RAI2: variants seen among roughly 807,000 people sequenced by gnomAD.
The protein encoded by RAI2 is retinoic acid induced 2.
Under a neutral mutation model 15.3 loss-of-function variants are expected in RAI2, and 5 were observed. That is an observed-to-expected ratio of 0.33 (90% CI 0.17 to 0.69). The LOEUF is 0.69. RAI2 is among the 30% of genes least tolerant of loss of function. RAI2 has a pLI of 0.69. For missense variants in RAI2, 424 were observed against 424.7 expected (o/e 1.00, Z 0.01); for synonymous variants, 191 against 184.0 (o/e 1.04, Z -0.31).
intron 1 of RAI2, among the ~76,000 whole-genome samples, chrX:17,814,787 C>G (rs1463197645): frequency 9.0e-6 from 1 of 110,820 alleles, no homozygotes; most frequent in African/African-American, 3.3e-5. Flanking sequence ...CCAGAAAGTT[C>G]TTTGAATCAT....
intron 1 of RAI2, among the ~76,000 whole-genome samples, chrX:17,844,872 T>C (rs1217945397): frequency 8.9e-6 from 1 of 112,099 alleles, no homozygotes; most frequent in Non-Finnish European, 1.9e-5. Context: ...GTACACTTAA[T>C]AATATATGCA....
rs774344675 is a variant in RAI2, at chrX:17,800,436, G to C, written c.1575C>G (p.Thr525=). 32 of 1,186,213 alleles carry C rather than the reference G, an allele frequency of 2.7e-5. No individual in the cohort carries two copies. The highest frequency in any genetic ancestry group is 3.6e-5 in the Non-Finnish European group (32 of 884,474). ...CCGTTATTTACTTTCTTGGAAAAAA[G>C]GTGGCCAGCCGTTGTTTTTTGATTG... ...MLPIKKQRLA[T]FFPRK Residue 525 remains threonine, a synonymous_variant, in exon 2 of 2, where the codon ACC becomes ACG. Transcript: ENST00000451717.
intron 1 of RAI2, among the ~76,000 whole-genome samples, chrX:17,839,705 C>T (rs753222806): frequency 3.3e-4 from 37 of 112,468 alleles, no homozygotes; most frequent in African/African-American, 1.2e-3. Flanking sequence ...AATGCACAAG[C>T]AGGTTTATCA....
chrX:17,861,051 G>T (rs925579781), intron 1 of RAI2, 47 bp downstream of exon 1: 1 of 106,570 alleles, frequency 9.4e-6, no homozygotes, highest in African/African-American at 3.3e-5. Context: ...TCCGCGCGGG[G>T]AGGGCGGGGG....
chrX:17,815,201 G>A (rs1305655679), intron 1 of RAI2, among the ~76,000 whole-genome samples: 2 of 111,611 alleles, frequency 1.8e-5, no homozygotes, highest in Non-Finnish European at 3.8e-5. Flanking sequence ...GGTGGGGGAA[G>A]GAAAAAGATC....
intron 1 of RAI2, among the ~76,000 whole-genome samples, chrX:17,839,925 T>G (rs2067378907): frequency 8.9e-6 from 1 of 112,300 alleles, no homozygotes; most frequent in Admixed American, 9.4e-5. Context: ...GGAGAGAATA[T>G]AGATTTTCTA....
intron 1 of RAI2, among the ~76,000 whole-genome samples, chrX:17,853,386 T>C (rs2067560714): frequency 8.9e-6 from 1 of 112,037 alleles, no homozygotes; most frequent in Admixed American, 9.4e-5. Flanking sequence ...TCAAATGGAA[T>C]TTTCCAAAAA....
chrX:17,851,718 C>A (rs1223125400), intron 1 of RAI2, among the ~76,000 whole-genome samples: 1 of 111,424 alleles, frequency 9.0e-6, no homozygotes, highest in Non-Finnish European at 1.9e-5. Flanking sequence ...ACAGCAAGGA[C>A]CATCTGGAAA....
intron 1 of RAI2, among the ~76,000 whole-genome samples, chrX:17,856,744 C>G (rs1476479638): frequency 8.9e-6 from 1 of 112,287 alleles, no homozygotes; most frequent in South Asian, 3.7e-4. Context: ...AGGGCAGGGG[C>G]TGGGAGAGAA....
chrX:17,804,021 G>A (rs1474549804), intron 1 of RAI2, among the ~76,000 whole-genome samples: 5 of 108,211 alleles, frequency 4.6e-5, no homozygotes, highest in South Asian at 8.3e-4. Flanking sequence ...GCGCAGTGGC[G>A]CAATCTTGGC....
chrX:17,800,611 GAGA>G lies in RAI2; in HGVS notation c.1397_1399del (p.Phe466del). The G allele has an allele frequency of 1.7e-6, 2 of 1,211,725 alleles. No homozygotes were observed. The highest frequency in any genetic ancestry group is 2.2e-6 in the Non-Finnish European group (2 of 895,448). On this transcript the variant is annotated inframe_deletion, in exon 2 of 2. Coordinates refer to ENST00000451717, the MANE Select transcript of RAI2 (RefSeq NM_021785.6). ...AAGCACGGAGTCTTCTCTTTTGAAGGAGAAGTTTTTGGTGGACACCCCTGAGAG... is the reference window on the plus strand; with the variant it reads ...AAGCACGGAGTCTTCTCTTTTGAAGGAGTTTTTGGTGGACACCCCTGAGAG...
intron 1 of RAI2, among the ~76,000 whole-genome samples, chrX:17,834,857 G>T (rs1297510567): frequency 1.8e-5 from 2 of 111,006 alleles, no homozygotes; most frequent in Non-Finnish European, 3.8e-5. Flanking sequence ...CATATGGCAG[G>T]GGTTACAGAA....
intron 1 of RAI2, among the ~76,000 whole-genome samples, chrX:17,830,765 C>T (rs1292802626): frequency 9.0e-6 from 1 of 110,895 alleles, no homozygotes; most frequent in Non-Finnish European, 1.9e-5. Flanking sequence ...ACCTCCACAA[C>T]CTGTCACAAG....
intron 1 of RAI2, among the ~76,000 whole-genome samples, chrX:17,839,304 G>C (rs1452852734): frequency 2.7e-5 from 3 of 112,142 alleles, no homozygotes; most frequent in Non-Finnish European, 5.6e-5. Flanking sequence ...CCCCTTCGCA[G>C]TAAGGAGACT....
Position 17,801,648 on chromosome X carries a change from T to C in RAI2, c.363A>G (p.Gln121=), listed in dbSNP as rs922449552. Residue 121 remains glutamine (Q), a synonymous_variant, in exon 2 of 2, where the codon CAA becomes CAG. Transcript: ENST00000451717. ...TYVMTTQGPV[Q]LPVVLEQHVF... ...CGTGCTGCTCCAGCACCACGGGCAGTTGCACGGGGCCCTGGGTGGTCATGA... is the reference window on the plus strand; with the variant it reads ...CGTGCTGCTCCAGCACCACGGGCAGCTGCACGGGGCCCTGGGTGGTCATGA... 3.3e-6 allele frequency: 4 copies of C among 1,211,647 alleles called. No individual in the cohort carries two copies. Among genetic ancestry groups the C allele is most frequent in the Non-Finnish European group, 4.5e-6 (4 of 895,453 alleles).
intron 1 of RAI2, among the ~76,000 whole-genome samples, chrX:17,809,596 CAT>C (rs760805434): frequency 2.7e-5 from 3 of 109,985 alleles, no homozygotes; most frequent in African/African-American, 6.8e-5. Flanking sequence ...TATGTGTGTG[CAT>C]GTGTGTGTGT....
chrX:17,837,936 A>G (rs769079892), intron 1 of RAI2, among the ~76,000 whole-genome samples: 33 of 112,469 alleles, frequency 2.9e-4, no homozygotes, highest in Non-Finnish European at 3.6e-4. Context: ...GATGTCCGTC[A>G]GCAGGAGAAT....
intron 1 of RAI2, among the ~76,000 whole-genome samples, chrX:17,810,394 A>G (rs992655828): frequency 2.7e-5 from 3 of 112,709 alleles, no homozygotes; most frequent in Non-Finnish European, 5.6e-5. Flanking sequence ...AGCTTGCTCA[A>G]AAAAAGAACA....
intron 1 of RAI2, among the ~76,000 whole-genome samples, chrX:17,855,422 G>C (rs1245252377): frequency 8.9e-6 from 1 of 111,855 alleles, no homozygotes; most frequent in African/African-American, 3.3e-5. Flanking sequence ...GGAAAGGAAA[G>C]AGCCATTTCA....
Sources: allele counts gnomAD v4.1 joint callset (sites outside exome capture counted in the v4.1 genomes callset), GRCh38; gene constraint gnomAD v4.1.1; transcripts MANE v1.5; gene names NCBI Gene and HGNC (gene_info 2026-07-23, HGNC 2026-07-21).